GPR137C: variants seen among roughly 807,000 people sequenced by gnomAD.
The protein encoded by GPR137C is integral membrane protein GPR137C.
GPR137C carries 27 observed loss-of-function variants against 43.4 expected under a neutral mutation model. The observed-to-expected ratio is 0.62, with a 90% CI of 0.46 to 0.86. The LOEUF (loss-of-function observed/expected upper bound fraction) is 0.86, where lower values mean the gene tolerates loss of function less well. GPR137C is among the 40% of genes least tolerant of loss of function. The probability of loss-of-function intolerance (pLI) is 0.00; values close to 1 mark genes in which losing one functional copy is unlikely to be tolerated. For missense variants in GPR137C, 522 were observed against 534.6 expected (o/e 0.98, Z 0.23); for synonymous variants, 285 against 226.9 (o/e 1.26, Z -2.30).
intron 1 of GPR137C, among the ~76,000 whole-genome samples, chr14:52,566,698 T>TA (rs1292472494): frequency 6.6e-6 from 1 of 152,220 alleles, no homozygotes; most frequent in African/African-American, 2.4e-5. Flanking sequence ...GCATTATACA[T>TA]ACGTTTTTAG....
At chr14:52,598,131 T>C in intron 1 of GPR137C, 141 bp from the exon 2 acceptor site, 1 of 432,012 alleles carries the variant, frequency 2.3e-6, no homozygotes, top group Non-Finnish European at 4.2e-6. Context: ...TCTTAGTTTA[T>C]GGTAGCTCAA....
At chr14:52,585,830 G>A (rs2038706064) in intron 1 of GPR137C, among the ~76,000 whole-genome samples, 1 of 151,604 alleles carries the variant, frequency 6.6e-6, no homozygotes, top group Non-Finnish European at 1.5e-5. Flanking sequence ...GGGAGACTCA[G>A]TCTCAAAAAA....
chr14:52,600,347 A>C lies in GPR137C; in HGVS notation c.717+6A>C. ...ATGTCTACCTCGAATCAAAGGTAAG[A>C]ATATTTCTTAAATTGGCACTTGAAA... On this transcript the variant is annotated splice_donor_region_variant and intron_variant, in intron 3 of 6. Coordinates refer to ENST00000321662, the MANE Select transcript of GPR137C (RefSeq NM_001099652.2). 6.8e-7 allele frequency: 1 copy of C among 1,478,632 alleles called. No individual in the cohort carries two copies. Among genetic ancestry groups the C allele is most frequent in the Non-Finnish European group, 9.3e-7 (1 of 1,069,736 alleles). The allele number at this position is 1,478,632 out of a possible 1,614,324, so 91.6% of individuals were successfully genotyped here.
rs557118743 is a variant in GPR137C at position 52,607,615 on chromosome 14, C to T, written c.717+7274C>T. Among the ~76,000 whole-genome samples the T allele has an allele frequency of 9.8e-4, 149 of 152,274 alleles. 1 individual carries two copies. Among genetic ancestry groups the T allele is most frequent in the Non-Finnish European group, 1.7e-3 (116 of 68,018 alleles). On this transcript the variant is annotated intron_variant, in intron 3 of 6. Coordinates refer to ENST00000321662, the MANE Select transcript of GPR137C (RefSeq NM_001099652.2). ...ATCTGGCCAAGTGCAGTGGTTCATG[C>T]CTGTAATCCCAGCACTTTAGGAAGC...
chr14:52,634,075 A>G (rs1291975825), intron 6 of GPR137C, 129 bp downstream of exon 6: 2 of 645,812 alleles, frequency 3.1e-6, no homozygotes, highest in Non-Finnish European at 5.6e-6. Context: ...GATCGGCAAT[A>G]CTGGAGTTTA....
At chr14:52,599,104 GT>G (rs1329441881) in intron 2 of GPR137C, among the ~76,000 whole-genome samples, 1 of 152,174 alleles carries the variant, frequency 6.6e-6, no homozygotes, top group Non-Finnish European at 1.5e-5. Context: ...TAATTTGGAA[GT>G]ATAAATGTGT....
chr14:52,621,944 A>G (rs903454163), intron 3 of GPR137C, among the ~76,000 whole-genome samples: 1 of 151,798 alleles, frequency 6.6e-6, no homozygotes, highest in African/African-American at 2.4e-5. Flanking sequence ...CTAACAAATA[A>G]CATGTTTTAT....
At chr14:52,633,295 A>T (rs907204168) in intron 4 of GPR137C, among the ~76,000 whole-genome samples, 13 of 152,110 alleles carry the variant, frequency 8.5e-5, no homozygotes, top group African/African-American at 2.4e-4. Flanking sequence ...AATTGTCATA[A>T]ACTGATACAT....
intron 3 of GPR137C, among the ~76,000 whole-genome samples, chr14:52,616,215 T>G (rs1261045106): frequency 6.6e-6 from 1 of 152,198 alleles, no homozygotes; most frequent in Non-Finnish European, 1.5e-5. Context: ...GGAAACTATC[T>G]CTAGTTATAA....
At chr14:52,622,064 G>A (rs2039168046) in intron 3 of GPR137C, among the ~76,000 whole-genome samples, 1 of 151,888 alleles carries the variant, frequency 6.6e-6, no homozygotes, top group South Asian at 2.1e-4. Context: ...TTTTATGTCT[G>A]CTTCTGCATT....
chr14:52,607,009 G>T (rs1594800533), intron 3 of GPR137C, among the ~76,000 whole-genome samples: 1 of 152,038 alleles, frequency 6.6e-6, no homozygotes, highest in African/African-American at 2.4e-5. Context: ...TTTTTCTCAA[G>T]AAATTTTTTA....
rs140175852 is a variant in GPR137C, at chr14:52,588,945, C to T, written c.445-9327C>T. 1.7e-3 allele frequency among the ~76,000 whole-genome samples: 253 copies of T among 152,188 alleles called. 2 individuals carry two copies. Among genetic ancestry groups the T allele is most frequent in the East Asian group, 0.012 (62 of 5,182 alleles). On this transcript the variant is annotated intron_variant, in intron 1 of 6. Coordinates refer to ENST00000321662, the MANE Select transcript of GPR137C (RefSeq NM_001099652.2). ...ATATATAGAACATTGATGTTCATAG[C>T]GGCAGCATTCACAATAGCCAAAAGG...
chr14:52,599,243 C>T (rs1326010493), intron 2 of GPR137C, among the ~76,000 whole-genome samples: 1 of 152,104 alleles, frequency 6.6e-6, no homozygotes, highest in Non-Finnish European at 1.5e-5. Flanking sequence ...AGTTCATGTG[C>T]AGAGTTGCTC....
intron 3 of GPR137C, among the ~76,000 whole-genome samples, chr14:52,626,508 A>G (rs1233116632): frequency 6.6e-6 from 1 of 152,084 alleles, no homozygotes; most frequent in African/African-American, 2.4e-5. Context: ...GTACTTCAAT[A>G]TCATAAAAGG....
intron 1 of GPR137C, among the ~76,000 whole-genome samples, chr14:52,592,939 C>T (rs1017027542): frequency 1.3e-5 from 2 of 152,118 alleles, no homozygotes; most frequent in East Asian, 3.8e-4. Flanking sequence ...CTAGTTTTTG[C>T]CCATTCAGTA....
At chr14:52,617,044 G>T (rs2039107604) in intron 3 of GPR137C, among the ~76,000 whole-genome samples, 1 of 152,160 alleles carries the variant, frequency 6.6e-6, no homozygotes, top group Non-Finnish European at 1.5e-5. Flanking sequence ...CTAAAAACTG[G>T]TATTGGTTAA....
At chr14:52,614,231 C>T (rs571569289) in intron 3 of GPR137C, among the ~76,000 whole-genome samples, 2 of 151,914 alleles carry the variant, frequency 1.3e-5, no homozygotes, top group South Asian at 2.1e-4. Flanking sequence ...ATCAGTCCTC[C>T]CACTTCAGCC....
At chr14:52,586,501 G>T (rs962745006) in intron 1 of GPR137C, among the ~76,000 whole-genome samples, 14 of 152,072 alleles carry the variant, frequency 9.2e-5, no homozygotes, top group Non-Finnish European at 2.1e-4. Context: ...TTTAACAACG[G>T]CTCTACTTTC....
intron 3 of GPR137C, among the ~76,000 whole-genome samples, chr14:52,631,456 G>C (rs2039293254): frequency 6.6e-6 from 1 of 152,038 alleles, no homozygotes; most frequent in African/African-American, 2.4e-5. Flanking sequence ...AAAATACATA[G>C]GATTGCAAAG....
Sources: gnomAD v4.1 joint callset for allele counts (sites outside exome capture counted in the v4.1 genomes callset) on GRCh38, gnomAD v4.1.1 for gene constraint, MANE v1.5 for transcripts, NCBI Gene and HGNC (gene_info 2026-07-23, HGNC 2026-07-21) for gene names.